THSD7A: variants seen among roughly 807,000 people sequenced by gnomAD.
The protein encoded by THSD7A is thrombospondin type 1 domain containing 7A.
A neutral mutation model predicts 231.3 loss-of-function variants in THSD7A; 96 were observed. That is an observed-to-expected ratio of 0.41 (90% CI 0.35 to 0.49). THSD7A has a LOEUF of 0.49. Ranked by LOEUF, THSD7A falls within the 20% of genes least tolerant of loss-of-function variation. THSD7A has a pLI of 0.05. For synonymous variants in THSD7A, 940 were observed against 743.3 expected, an observed-to-expected ratio of 1.26 and a Z score of -4.30; for missense variants, 2,290 against 2,070.2, an observed-to-expected ratio of 1.11 and a Z score of -2.06.
rs952092214 is a variant in THSD7A at position 11,636,187 on chromosome 7, C to G, written c.965G>C (p.Gly322Ala). The G allele has an allele frequency of 1.2e-5, 19 of 1,613,984 alleles. No individual in the cohort carries two copies. The highest frequency in any genetic ancestry group is 1.6e-5 in the Non-Finnish European group (19 of 1,179,894). Residue 322 changes from glycine to alanine, a missense_variant, in exon 2 of 28, where the codon GGA becomes GCA. Physicochemically the swap from Gly to Ala is moderately conservative, Grantham distance 60. Transcript: ENST00000423059. This position sits in a 1 kb window ranked among gnomAD's most constrained non-coding sequence, Gnocchi z 10.0. ...QENKYWDIQI[G>A]YQTREVMCIN... ...GCACATAACCTCTCTGGTCTGATAT[C>G]CAATCTGGATGTCCCAATATTTGTT...
chr7:11,434,433 C>T (rs139422051), intron 13 of THSD7A, among the ~76,000 whole-genome samples: 27 of 152,172 alleles, frequency 1.8e-4, no homozygotes, highest in African/African-American at 6.5e-4. Flanking sequence ...GAGATACACA[C>T]AATCACTCAT....
chr7:11,735,388 C>T (rs1209441493), intron 1 of THSD7A, among the ~76,000 whole-genome samples: 1 of 151,848 alleles, frequency 6.6e-6, no homozygotes, highest in African/African-American at 2.4e-5. Flanking sequence ...CAACATGATG[C>T]CACAAGTAGA....
At chr7:11,518,579 T>C (rs1356318605) in intron 6 of THSD7A, among the ~76,000 whole-genome samples, 1 of 145,748 alleles carries the variant, frequency 6.9e-6, no homozygotes, top group Non-Finnish European at 1.5e-5. Context: ...ATCATCCCTG[T>C]AGCTGGAAAT....
intron 6 of THSD7A, among the ~76,000 whole-genome samples, chr7:11,494,827 C>T (rs988469221): frequency 1.3e-5 from 2 of 151,896 alleles, no homozygotes; most frequent in Admixed American, 1.3e-4. Flanking sequence ...AATAAATAAG[C>T]TTATGTTTTA....
chr7:11,420,562 G>T (rs1253150644), intron 16 of THSD7A, among the ~76,000 whole-genome samples: 2 of 152,226 alleles, frequency 1.3e-5, no homozygotes, highest in African/African-American at 2.4e-5. Flanking sequence ...TGTTGCAGGG[G>T]TGGAGCTTTC....
At chr7:11,392,940 A>G (rs1783042270) in intron 23 of THSD7A, among the ~76,000 whole-genome samples, 1 of 152,162 alleles carries the variant, frequency 6.6e-6, no homozygotes. Flanking sequence ...CACCTGGGGG[A>G]AGGGGCAGCT....
chr7:11,787,502 A>G (rs149198150), intron 1 of THSD7A, among the ~76,000 whole-genome samples: 1 of 152,262 alleles, frequency 6.6e-6, no homozygotes, highest in African/African-American at 2.4e-5. Context: ...TTTTCAAAAG[A>G]TACAACTGAT....
At chr7:11,755,903 G>C (rs1168078233) in intron 1 of THSD7A, among the ~76,000 whole-genome samples, 1 of 151,992 alleles carries the variant, frequency 6.6e-6, no homozygotes, top group African/African-American at 2.4e-5. Context: ...ACAACTTTTA[G>C]AGAAAGGCAA....
At chr7:11,388,775 T>C (rs1583652680) in intron 23 of THSD7A, among the ~76,000 whole-genome samples, 2 of 152,350 alleles carry the variant, frequency 1.3e-5, no homozygotes, top group East Asian at 1.9e-4. Flanking sequence ...TTTTAGATCA[T>C]TCCTGCTTTC....
chr7:11,593,463 G>T lies in THSD7A; in HGVS notation c.1062C>A (p.Ser354=), dbSNP rs759221932. 6.2e-7 allele frequency: 1 copy of T among 1,613,950 alleles called. No homozygotes were observed. The highest frequency in any genetic ancestry group is 8.5e-7 in the Non-Finnish European group (1 of 1,179,870). Residue 354 remains serine, a synonymous_variant, in exon 3 of 28, where the codon TCC becomes TCA. Coordinates refer to ENST00000423059, the MANE Select transcript of THSD7A (RefSeq NM_015204.3). The part of the protein sequence containing the change: ...QQEKLPMTFQ[S]CVITKECQVS... ...CCTGGCACTCTTTGGTGATCACACA[G>T]GACTGGAAGGTCATTGGAAGCTTCT...
intron 1 of THSD7A, among the ~76,000 whole-genome samples, chr7:11,653,586 T>A (rs1782594588): frequency 6.6e-6 from 1 of 151,666 alleles, no homozygotes; most frequent in Non-Finnish European, 1.5e-5. Flanking sequence ...ACATCCTGGA[T>A]GTCTTAAGCT....
intron 1 of THSD7A, among the ~76,000 whole-genome samples, chr7:11,681,282 A>G (rs1332197685): frequency 6.6e-6 from 1 of 152,002 alleles, no homozygotes; most frequent in African/African-American, 2.4e-5. Context: ...GCAAACCACC[A>G]TGTACATTCT....
At chr7:11,666,233 T>C (rs1385551382) in intron 1 of THSD7A, among the ~76,000 whole-genome samples, 1 of 152,098 alleles carries the variant, frequency 6.6e-6, no homozygotes, top group African/African-American at 2.4e-5. Flanking sequence ...CAAATTTGCA[T>C]ATGTATAGTG....
At chr7:11,648,637 C>CGTGTGTGTGTGTGTGTGTGTGTGTGT (rs3031455) in intron 1 of THSD7A, among the ~76,000 whole-genome samples, 2 of 141,060 alleles carry the variant, frequency 1.4e-5, no homozygotes, top group East Asian at 2.1e-4. Flanking sequence ...TATTTTGTGG[C>CGTGTGTGTGTGTGTGTGTGTGTGTGT]GTGTGTGTGT....
At chr7:11,565,978 C>G (rs997066964) in intron 4 of THSD7A, among the ~76,000 whole-genome samples, 6 of 152,126 alleles carry the variant, frequency 3.9e-5, no homozygotes, top group African/African-American at 1.4e-4. Context: ...TTTTATTAGG[C>G]TAAGCATGAA....
intron 17 of THSD7A, among the ~76,000 whole-genome samples, chr7:11,416,863 G>C (rs1485331348): frequency 6.6e-6 from 1 of 152,122 alleles, no homozygotes; most frequent in Non-Finnish European, 1.5e-5. Context: ...TGTGTGATTT[G>C]AAACTCTCAG....
chr7:11,726,312 A>G (rs1198177858), intron 1 of THSD7A, among the ~76,000 whole-genome samples: 1 of 145,908 alleles, frequency 6.9e-6, no homozygotes, highest in Non-Finnish European at 1.5e-5. Flanking sequence ...ATGACAATCC[A>G]TCACGCCTCA....
chr7:11,424,345 G>A (rs1377633623), intron 16 of THSD7A, among the ~76,000 whole-genome samples: 2 of 152,186 alleles, frequency 1.3e-5, no homozygotes, highest in African/African-American at 4.8e-5. Flanking sequence ...TGATACAAAA[G>A]AGCAAGAGTT....
chr7:11,719,678 A>G (rs1207482501), intron 1 of THSD7A, among the ~76,000 whole-genome samples: 1 of 151,620 alleles, frequency 6.6e-6, no homozygotes, highest in Non-Finnish European at 1.5e-5. Context: ...GCCACAAACC[A>G]GGTCTACTCC....
Sources: gnomAD v4.1 joint callset for allele counts (sites outside exome capture counted in the v4.1 genomes callset) on GRCh38, gnomAD v4.1.1 for gene constraint, Gnocchi (gnomAD v3.1) non-coding constraint, MANE v1.5 for transcripts, NCBI Gene and HGNC (gene_info 2026-07-23, HGNC 2026-07-21) for gene names.